Variants in FHIT observed in about 807,000 individuals in gnomAD.
FHIT encodes fragile histidine triad diadenosine triphosphatase, also known as bis(5'-adenosyl)-triphosphatase.
In FHIT, 19 loss-of-function variants were observed where a neutral mutation model predicts 17.9. That is an observed-to-expected ratio of 1.06 (90% CI 0.74 to 1.56). The LOEUF (loss-of-function observed/expected upper bound fraction) is 1.56. Among genes scored for constraint, FHIT ranks in the 40% most tolerant of loss-of-function variants. FHIT has a pLI of 0.00. For synonymous variants in FHIT, 81 were observed against 69.7 expected, an observed-to-expected ratio of 1.16 and a Z score of -0.81; for missense variants, 248 against 189.2, an observed-to-expected ratio of 1.31 and a Z score of -1.82.
At chr3:60,584,419 G>A (rs144002418) in intron 4 of FHIT, among the ~76,000 whole-genome samples, 7 of 151,888 alleles carry the variant, frequency 4.6e-5, no homozygotes, top group South Asian at 2.1e-4. Context: ...TGTGAGCTGC[G>A]GTGGCGGTGG....
intron 5 of FHIT, among the ~76,000 whole-genome samples, chr3:60,219,180 T>A (rs1043996736): frequency 6.6e-6 from 1 of 152,126 alleles, no homozygotes; most frequent in Non-Finnish European, 1.5e-5. Flanking sequence ...TATTTTGGGT[T>A]TTCATTGCTC....
At chr3:61,235,526 C>A (rs1417153498) in intron 1 of FHIT, among the ~76,000 whole-genome samples, 1 of 152,090 alleles carries the variant, frequency 6.6e-6, no homozygotes, top group Non-Finnish European at 1.5e-5. Flanking sequence ...CCCAAGCATC[C>A]TGGTTTAAGA....
intron 5 of FHIT, among the ~76,000 whole-genome samples, chr3:60,204,445 T>TA (rs1703066501): frequency 1.6e-4 from 1 of 6,084 alleles, no homozygotes; most frequent in Non-Finnish European, 7.0e-4. Context: ...AATATTCTGG[T>TA]TTTTTTTTTT....
rs1576388195 is a variant in FHIT, at chr3:60,263,319, A to G, written c.104-249167T>C. Among the ~76,000 whole-genome samples the G allele has an allele frequency of 3.3e-5, 5 of 152,146 alleles. No individual in the cohort carries two copies. The South Asian group carries it at 1.0e-3, about 32-fold the overall frequency. ...TTGTAAATTTGACTTTAAATATAGC[A>G]TGTGACTCAGTAATTCCACTTGTAG... On this transcript the variant is annotated intron_variant, in intron 5 of 9. Coordinates refer to ENST00000492590, the MANE Select transcript of FHIT (RefSeq NM_002012.4).
intron 5 of FHIT, among the ~76,000 whole-genome samples, chr3:60,256,537 G>A (rs1706003639): frequency 6.6e-6 from 1 of 152,192 alleles, no homozygotes; most frequent in Admixed American, 6.5e-5. Context: ...TTGTAGATGA[G>A]CTAACTAAGG....
Position 60,392,503 on chromosome 3 carries a change from T to C in FHIT, c.103+144357A>G, listed in dbSNP as rs543116386. On this transcript the variant is annotated intron_variant, in intron 5 of 9. Coordinates refer to ENST00000492590, the MANE Select transcript of FHIT (RefSeq NM_002012.4). ...CTGAAGAGGAAGAAGGACTGATGAT[T>C]AACAGCAGAAACAGGCAACATCGTA... 5.9e-5 allele frequency among the ~76,000 whole-genome samples: 9 copies of C among 152,288 alleles called. No individual in the cohort carries two copies. In the South Asian group the frequency reaches 1.5e-3, roughly 25 times the overall value.
At chr3:60,450,204 C>T (rs894521335) in intron 5 of FHIT, among the ~76,000 whole-genome samples, 1 of 138,894 alleles carries the variant, frequency 7.2e-6, no homozygotes, top group South Asian at 2.1e-4. Flanking sequence ...TAAGGTTACA[C>T]TAAATTTATT....
intron 5 of FHIT, among the ~76,000 whole-genome samples, chr3:60,418,549 C>G (rs1467589718): frequency 7.1e-6 from 1 of 139,944 alleles, no homozygotes; most frequent in African/African-American, 2.6e-5. Context: ...AATTAACATC[C>G]CTCCCAACTT....
intron 5 of FHIT, among the ~76,000 whole-genome samples, chr3:60,453,379 A>C (rs1369345760): frequency 6.6e-6 from 1 of 152,250 alleles, no homozygotes; most frequent in East Asian, 1.9e-4. Flanking sequence ...GCGAGGTAAC[A>C]GTTTTTCAGC....
At chr3:59,814,807 T>C (rs1177937891) in intron 8 of FHIT, among the ~76,000 whole-genome samples, 1 of 152,198 alleles carries the variant, frequency 6.6e-6, no homozygotes, top group Non-Finnish European at 1.5e-5. Flanking sequence ...AAATTGCCTT[T>C]TCTTGTGTAG....
chr3:61,227,950 T>C (rs931839709), intron 1 of FHIT, among the ~76,000 whole-genome samples: 4 of 152,108 alleles, frequency 2.6e-5, no homozygotes, highest in Non-Finnish European at 2.9e-5. Context: ...GAGCTACTAA[T>C]ATGAGGAGAG....
intron 5 of FHIT, among the ~76,000 whole-genome samples, chr3:60,350,476 G>A (rs932664333): frequency 1.6e-4 from 24 of 152,012 alleles, no homozygotes; most frequent in African/African-American, 5.6e-4. Flanking sequence ...AAAATTGTAC[G>A]TAACGTCACA....
chr3:60,786,136 G>T (rs1553726840), intron 4 of FHIT, among the ~76,000 whole-genome samples: 1 of 152,134 alleles, frequency 6.6e-6, no homozygotes, highest in Non-Finnish European at 1.5e-5. Context: ...AGTAAAAAAT[G>T]AGACAGCCCT....
rs115825920 is a variant in FHIT at position 60,477,176 on chromosome 3, T to A, written c.103+59684A>T. Among the ~76,000 whole-genome samples the A allele has an allele frequency of 3.3e-3, 502 of 152,060 alleles. 2 individuals are homozygous for A. Among genetic ancestry groups the A allele is most frequent in the African/African-American group, 0.012 (486 of 41,402 alleles). ...CCCACGGTGAGGAAGGAGGAACAAT[T>A]TTAACTACCTGAGGTCTTCAAAATG... On this transcript the variant is annotated intron_variant, in intron 5 of 9. Transcript: ENST00000492590.
intron 8 of FHIT, among the ~76,000 whole-genome samples, chr3:59,893,480 C>T (rs967783670): frequency 6.6e-6 from 1 of 152,174 alleles, no homozygotes; most frequent in African/African-American, 2.4e-5. Flanking sequence ...TAGAACTGAT[C>T]CTCAAAAGCA....
chr3:60,707,365 T>A (rs2041400343), intron 4 of FHIT, among the ~76,000 whole-genome samples: 1 of 152,232 alleles, frequency 6.6e-6, no homozygotes, highest in African/African-American at 2.4e-5. Flanking sequence ...CCTCTAAGTC[T>A]ATTAAATGTT....
chr3:60,190,655 C>T lies in FHIT; in HGVS notation c.104-176503G>A, dbSNP rs1466184867. 4.6e-5 allele frequency among the ~76,000 whole-genome samples: 7 copies of T among 151,890 alleles called. No individual in the cohort carries two copies. The East Asian group carries it at 1.2e-3, about 25-fold the overall frequency. ...GGGAGGGATAGCATTAGGAGATATACCTAATGCTAAATGACGAGTTAATGG... is the reference window on the plus strand; with the variant it reads ...GGGAGGGATAGCATTAGGAGATATATCTAATGCTAAATGACGAGTTAATGG... On this transcript the variant is annotated intron_variant, in intron 5 of 9. Transcript: ENST00000492590.
intron 5 of FHIT, among the ~76,000 whole-genome samples, chr3:60,173,061 T>C (rs768319772): frequency 6.6e-6 from 1 of 152,156 alleles, no homozygotes; most frequent in Non-Finnish European, 1.5e-5. Context: ...TTATAAATCA[T>C]GATTACAGCA....
At chr3:60,859,080 T>A (rs1054770192) in intron 3 of FHIT, among the ~76,000 whole-genome samples, 36 of 152,334 alleles carry the variant, frequency 2.4e-4, no homozygotes, top group Non-Finnish European at 4.6e-4. Flanking sequence ...TCTAGAACAT[T>A]CTGCATTTGT....
Sources: allele counts gnomAD v4.1 joint callset (sites outside exome capture counted in the v4.1 genomes callset), GRCh38; gene constraint gnomAD v4.1.1; transcripts MANE v1.5; gene names NCBI Gene and HGNC (gene_info 2026-07-23, HGNC 2026-07-21).